TMEM163: variants seen among roughly 807,000 people sequenced by gnomAD.
TMEM163 encodes the protein transmembrane protein 163.
In TMEM163, 17 loss-of-function variants were observed where a neutral mutation model predicts 29.3. That is an observed-to-expected ratio of 0.58 (90% confidence interval 0.40 to 0.87). TMEM163 has a LOEUF of 0.87. TMEM163 is among the 40% of genes least tolerant of loss of function. The pLI is 0.00. For missense variants in TMEM163, 303 were observed against 381.5 expected, an observed-to-expected ratio of 0.79 and a Z score of 1.71; for synonymous variants, 157 against 160.6, an observed-to-expected ratio of 0.98 and a Z score of 0.17.
At chr2:134,648,304 C>CCTCTTCTCTTTTCTCTT (rs1683382597) in intron 2 of TMEM163, among the ~76,000 whole-genome samples, 1 of 143,110 alleles carries the variant, frequency 7.0e-6, no homozygotes, top group Non-Finnish European at 1.5e-5. Context: ...CACTGCTTCT[C>CCTCTTCTCTTTTCTCTT]CTCTTCTCTT....
intron 4 of TMEM163, among the ~76,000 whole-genome samples, chr2:134,520,007 A>T (rs949684524): frequency 1.3e-5 from 2 of 152,162 alleles, no homozygotes; most frequent in African/African-American, 4.8e-5. Flanking sequence ...AGAGACAAAG[A>T]CAGTTCGCAT....
chr2:134,635,063 C>G (rs1683073998), intron 2 of TMEM163, among the ~76,000 whole-genome samples: 1 of 152,142 alleles, frequency 6.6e-6, no homozygotes, highest in South Asian at 2.1e-4. Flanking sequence ...GAGAAGGGGA[C>G]AGGAGGAAAG....
At chr2:134,644,523 G>A (rs1443836044) in intron 2 of TMEM163, among the ~76,000 whole-genome samples, 4 of 152,216 alleles carry the variant, frequency 2.6e-5, no homozygotes, top group East Asian at 3.9e-4. Context: ...AACAAATGAT[G>A]TTAGAACAAC....
At chr2:134,626,163 G>T (rs1682846757) in intron 2 of TMEM163, among the ~76,000 whole-genome samples, 1 of 143,436 alleles carries the variant, frequency 7.0e-6, no homozygotes, top group Admixed American at 7.3e-5. Flanking sequence ...GGAGTGCAGT[G>T]GCATGATCTC....
In TMEM163 at chr2:134,573,858, G is replaced by A. The variant is rs147253640; in HGVS notation, c.323-21767C>T. On this transcript the variant is annotated intron_variant, in intron 2 of 7. Coordinates refer to ENST00000281924, the MANE Select transcript of TMEM163 (RefSeq NM_030923.5). ...CCAACTGGGCCATTCTGCTTGGGAT[G>A]CAGTAGCAATGCTGCCTCCATTTCT... 1.5e-4 allele frequency among the ~76,000 whole-genome samples: 23 copies of A among 152,242 alleles called. No homozygotes were observed. In the East Asian group the frequency reaches 4.3e-3, roughly 28 times the overall value.
chr2:134,498,926 G>T (rs1679641208), intron 5 of TMEM163, among the ~76,000 whole-genome samples: 1 of 152,194 alleles, frequency 6.6e-6, no homozygotes, highest in Non-Finnish European at 1.5e-5. Flanking sequence ...GAGGAGACCA[G>T]GTTCAAATCC....
chr2:134,643,002 TAA>T (rs780627444), intron 2 of TMEM163, among the ~76,000 whole-genome samples: 7 of 151,490 alleles, frequency 4.6e-5, no homozygotes, highest in East Asian at 1.9e-4. Context: ...AGAGAAATAA[TAA>T]AGAGATCAGA....
At chr2:134,563,898 A>T (rs889346528) in intron 2 of TMEM163, among the ~76,000 whole-genome samples, 5 of 152,204 alleles carry the variant, frequency 3.3e-5, no homozygotes, top group African/African-American at 4.8e-5. Flanking sequence ...TACTAAAAAT[A>T]CAAAAACCTT....
At chr2:134,620,890 G>A (rs2104824773) in intron 2 of TMEM163, among the ~76,000 whole-genome samples, 1 of 152,174 alleles carries the variant, frequency 6.6e-6, no homozygotes, top group South Asian at 2.1e-4. Context: ...GGAAAACATA[G>A]GAGAAAATCA....
chr2:134,539,040 G>A (rs561982196), intron 4 of TMEM163, among the ~76,000 whole-genome samples: 1 of 152,244 alleles, frequency 6.6e-6, no homozygotes, highest in Admixed American at 6.5e-5. Flanking sequence ...TGTTTTGCCT[G>A]GAAAGCCTGC....
intron 2 of TMEM163, among the ~76,000 whole-genome samples, chr2:134,595,445 T>G (rs1397577488): frequency 6.6e-6 from 1 of 152,232 alleles, no homozygotes; most frequent in African/African-American, 2.4e-5. Flanking sequence ...GGACATGAAC[T>G]CATCATTTTG....
At chr2:134,644,789 T>A (rs1253927515) in intron 2 of TMEM163, among the ~76,000 whole-genome samples, 1 of 151,566 alleles carries the variant, frequency 6.6e-6, no homozygotes, top group African/African-American at 2.4e-5. Context: ...AAATGAAAAA[T>A]ATTTTTCTGC....
Position 134,714,285 on chromosome 2 carries a change from A to G in TMEM163, c.203-966T>C, listed in dbSNP as rs951692604. On this transcript the variant is annotated intron_variant, in intron 1 of 7. Coordinates refer to ENST00000281924, the MANE Select transcript of TMEM163 (RefSeq NM_030923.5). ...TACATAAACAGGAGCTTATTACACC[A>G]TCTCTGGTGAAACAACCCACAATAC... Among the ~76,000 whole-genome samples, 6 of 152,208 alleles carry G rather than the reference A, an allele frequency of 3.9e-5. 1 individual carries two copies. The South Asian group carries it at 1.2e-3, about 31-fold the overall frequency.
intron 2 of TMEM163, among the ~76,000 whole-genome samples, chr2:134,585,513 C>T (rs538487498): frequency 2.1e-4 from 32 of 152,218 alleles, no homozygotes; most frequent in African/African-American, 7.2e-4. Flanking sequence ...GAGGCCGAGG[C>T]GGGCAGATTA....
intron 2 of TMEM163, among the ~76,000 whole-genome samples, chr2:134,582,849 G>A (rs1027448071): frequency 3.9e-5 from 6 of 152,100 alleles, no homozygotes; most frequent in African/African-American, 1.4e-4. Context: ...GAAAGGTAGG[G>A]GGCAGAAAAA....
chr2:134,517,971 T>G (rs1680112227), intron 4 of TMEM163, among the ~76,000 whole-genome samples: 1 of 152,120 alleles, frequency 6.6e-6, no homozygotes, highest in Non-Finnish European at 1.5e-5. Flanking sequence ...ATGCACCATG[T>G]TTTTGGCTGA....
intron 4 of TMEM163, among the ~76,000 whole-genome samples, chr2:134,519,647 G>A (rs1424906681): frequency 6.6e-6 from 1 of 152,026 alleles, no homozygotes; most frequent in Non-Finnish European, 1.5e-5. Flanking sequence ...AGGAGGCAGA[G>A]CTTGCAGTGA....
intron 2 of TMEM163, among the ~76,000 whole-genome samples, chr2:134,564,706 T>C (rs1355105800): frequency 6.6e-6 from 1 of 152,146 alleles, no homozygotes; most frequent in Admixed American, 6.5e-5. Flanking sequence ...TTAACAAGCT[T>C]CATGAAAGAT....
At chr2:134,659,305 T>C (rs939278923) in intron 2 of TMEM163, among the ~76,000 whole-genome samples, 4 of 152,232 alleles carry the variant, frequency 2.6e-5, no homozygotes, top group East Asian at 1.9e-4. Context: ...AACATCATTA[T>C]GCAGCACACA....
Sources: gnomAD v4.1 joint callset for allele counts (sites outside exome capture counted in the v4.1 genomes callset) on GRCh38, gnomAD v4.1.1 for gene constraint, MANE v1.5 for transcripts, NCBI Gene and HGNC (gene_info 2026-07-23, HGNC 2026-07-21) for gene names.